The following PIGW variants were observed in gnomAD, a reference collection of about 807,000 sequenced individuals.
The protein encoded by PIGW is phosphatidylinositol glycan anchor biosynthesis class W.
A neutral mutation model predicts 34.0 loss-of-function variants in PIGW; 23 were observed. The ratio of observed to expected loss-of-function variants is 0.68; its 90% confidence interval spans 0.49 to 0.96. The LOEUF (loss-of-function observed/expected upper bound fraction) is 0.96. PIGW is among the 40% of genes least tolerant of loss of function. PIGW has a pLI of 0.00. For synonymous variants in PIGW, 225 were observed against 225.2 expected (o/e 1.00, Z 0.01); for missense variants, 574 against 586.3 (o/e 0.98, Z 0.22).
At position 36,537,220 on chromosome 17, in the gene PIGW, T is replaced by A; in HGVS notation, c.119T>A (p.Ile40Asn). Residue 40 changes from isoleucine (I) to asparagine (N), a missense_variant, in exon 2 of 2, where the codon ATC becomes AAC. Coordinates refer to ENST00000614443, the MANE Select transcript of PIGW (RefSeq NM_001346754.2). ...AFCILCRGFL[I>N]IFSQYLCSFS... ...TGTATCCTGTGCAGAGGGTTCCTGA[T>A]CATTTTCTCACAGTACTTGTGTTCT... is the stretch of plus-strand genomic sequence containing the variant. 6.2e-7 allele frequency: 1 copy of A among 1,614,190 alleles called. No individual in the cohort carries two copies. Among genetic ancestry groups the A allele is most frequent in the Non-Finnish European group, 8.5e-7 (1 of 1,180,034 alleles).
chr17:36,536,979 A>G, intron 1 of PIGW, 115 bp from the exon 2 acceptor site: 3 of 833,776 alleles, frequency 3.6e-6, no homozygotes, highest in Non-Finnish European at 3.7e-6. Context: ...TGAACTCATT[A>G]GGGCCCAAAG....
chr17:36,535,586 A>T lies in PIGW; in HGVS notation c.-15A>T, dbSNP rs1426041018. ...ACCGTCTGCTGGGGGCGCCGGCACCATTTGGAGTACGTGAGGTATACGGGT... is the reference window on the plus strand; with the variant it reads ...ACCGTCTGCTGGGGGCGCCGGCACCTTTTGGAGTACGTGAGGTATACGGGT... On this transcript the variant is annotated 5_prime_UTR_variant, in exon 1 of 2. Coordinates refer to ENST00000614443, the MANE Select transcript of PIGW (RefSeq NM_001346754.2). The T allele has an allele frequency of 1.3e-5, 2 of 152,228 alleles. No homozygotes were observed. Among genetic ancestry groups the T allele is most frequent in the African/African-American group, 4.8e-5 (2 of 41,462 alleles). The allele number at this position is 152,228 out of a possible 1,614,324, so 9.4% of individuals were successfully genotyped here.
In PIGW at chr17:36,539,182, T is replaced by TG. The variant is rs1269590885; in HGVS notation, c.*572dup. On this transcript the variant is annotated 3_prime_UTR_variant, in exon 2 of 2. Coordinates refer to ENST00000614443, the MANE Select transcript of PIGW (RefSeq NM_001346754.2). ...TTGTGACATTGAAAGACTGTTGGGGTGGGGGGAGGAAAATTTTTACTTTCC... is the reference window on the plus strand; with the variant it reads ...TTGTGACATTGAAAGACTGTTGGGGTGGGGGGGAGGAAAATTTTTACTTTCC... The TG allele has an allele frequency of 2.4e-5, 4 of 166,902 alleles. No homozygotes were observed. Among genetic ancestry groups the TG allele is most frequent in the Non-Finnish European group, 5.9e-5 (4 of 68,090 alleles). The allele number at this position is 166,902 out of a possible 1,614,324, so 10.3% of individuals were successfully genotyped here.
chr17:36,538,605 C>G lies in PIGW; in HGVS notation c.1504C>G (p.Gln502Glu), dbSNP rs372135184. The G allele has an allele frequency of 7.5e-6, 12 of 1,593,336 alleles. No homozygotes were observed. The highest frequency in any genetic ancestry group is 9.4e-6 in the Non-Finnish European group (11 of 1,167,984). The change falls in exon 2 of 2, where the codon CAA becomes GAA. Residue 502 changes from glutamine (Q) to glutamate (E), a missense_variant. By Grantham distance (29) the Gln-to-Glu change is conservative. Coordinates refer to ENST00000614443, the MANE Select transcript of PIGW (RefSeq NM_001346754.2). ...YVLYLQDKTV[Q>E]FW is the part of the protein sequence containing the mutation. ...ACTATATTTGCAAGATAAGACTGTACAATTTTGGTGATCAGCAGGAGTAGG... is the reference window on the plus strand; with the variant it reads ...ACTATATTTGCAAGATAAGACTGTAGAATTTTGGTGATCAGCAGGAGTAGG...
Position 36,538,707 on chromosome 17 carries a change from C to T in PIGW, c.*91C>T, listed in dbSNP as rs2074177762. The T allele has an allele frequency of 2.8e-6, 3 of 1,059,900 alleles. No homozygotes were observed. The East Asian group carries it at 7.5e-5, about 26-fold the overall frequency. The allele number at this position is 1,059,900 out of a possible 1,614,324, so 65.7% of individuals were successfully genotyped here. On this transcript the variant is annotated 3_prime_UTR_variant, in exon 2 of 2. Transcript: ENST00000614443. ...TTGTGCTTTTGGCAACAGTGTTAACCATATTTTATTATAAAATAGTTTCAG... is the reference window on the plus strand; with the variant it reads ...TTGTGCTTTTGGCAACAGTGTTAACTATATTTTATTATAAAATAGTTTCAG...
chr17:36,536,869 T>C (rs1177930199), intron 1 of PIGW, among the ~76,000 whole-genome samples: 2 of 152,210 alleles, frequency 1.3e-5, no homozygotes, highest in African/African-American at 4.8e-5. Context: ...TGAAGCTTTG[T>C]AACCAATAAT....
At position 36,538,741 on chromosome 17, in the gene PIGW, A is replaced by T; in HGVS notation, c.*125A>T. The T allele has an allele frequency of 1.2e-6, 1 of 825,794 alleles. No individual in the cohort carries two copies. Among genetic ancestry groups the T allele is most frequent in the Admixed American group, 3.2e-5 (1 of 31,682 alleles). The allele number at this position is 825,794 out of a possible 1,614,324, so 51.2% of individuals were successfully genotyped here. A position where few individuals can be genotyped will look rare whatever the true frequency, so the allele number is the denominator to read the frequency against. ...TTATAAAATAGTTTCAGTCATCTAA[A>T]CAGCAGTGATGCTTAATTATTTTTT... is the stretch of plus-strand genomic sequence containing the variant. On this transcript the variant is annotated 3_prime_UTR_variant, in exon 2 of 2. Coordinates refer to ENST00000614443, the MANE Select transcript of PIGW (RefSeq NM_001346754.2).
chr17:36,538,500 G>C lies in PIGW; in HGVS notation c.1399G>C (p.Asp467His), dbSNP rs201266151. 6.2e-7 allele frequency: 1 copy of C among 1,614,066 alleles called. No homozygotes were observed. Residue 467 changes from aspartate (D) to histidine (H), a missense_variant, in exon 2 of 2, where the codon GAT becomes CAT. Physicochemically the swap from Asp to His is moderately conservative, Grantham distance 81. Transcript: ENST00000614443. ...ITTGLINLMV[D>H]TLHSSTLWAL... The stretch of plus-strand genomic sequence containing the variant: ...AACTGGCCTGATCAACCTGATGGTA[G>C]ATACATTACACAGCAGTACCTTGTG...
chr17:36,535,366 C>CA lies in PIGW; in HGVS notation c.-232dup, dbSNP rs1239524040. On this transcript the variant is annotated 5_prime_UTR_variant, in exon 1 of 2. The change creates a premature stop within an existing upstream ORF in the 5' untranslated region. Transcript: ENST00000614443. ...CTAGAAGATCTGGCCTGCACCAGCC[C>CA]AAAGGACATGACAGGAGTGGGTAGC... 1.3e-5 allele frequency: 2 copies of CA among 152,338 alleles called. No individual in the cohort carries two copies. Among genetic ancestry groups the CA allele is most frequent in the Non-Finnish European group, 2.9e-5 (2 of 68,118 alleles). 9.4% of individuals were successfully genotyped at this position (152,338 alleles called of 1,614,324 possible).
chr17:36,536,077 G>A (rs539311813), intron 1 of PIGW, among the ~76,000 whole-genome samples: 1 of 152,146 alleles, frequency 6.6e-6, no homozygotes, highest in South Asian at 2.1e-4. Context: ...TGTTCTTCCA[G>A]TATGCCGTTT....
Position 36,538,069 on chromosome 17 carries a change from G to A in PIGW, c.968G>A (p.Gly323Glu). 1 of 1,614,052 alleles carries A rather than the reference G, an allele frequency of 6.2e-7. No homozygotes were observed. The highest frequency in any genetic ancestry group is 1.3e-5 in the African/African-American group (1 of 74,990). Residue 323 changes from glycine (G) to glutamate (E), a missense_variant, in exon 2 of 2, where the codon GGG (glycine) becomes GAG (glutamate). Coordinates refer to ENST00000614443, the MANE Select transcript of PIGW (RefSeq NM_001346754.2). The stretch of plus-strand genomic sequence containing the variant: ...ATACACATGGCTGGTGTGCAAACAG[G>A]GTTATATATGCATAAGAACCGATCA... ...VAIHMAGVQTGLYMHKNRSHI... is the reference protein window; with the variant it reads ...VAIHMAGVQTELYMHKNRSHI...
intron 1 of PIGW, among the ~76,000 whole-genome samples, chr17:36,536,524 C>CTTTTTTTTT (rs10715370): frequency 8.0e-6 from 1 of 125,532 alleles, no homozygotes; most frequent in Non-Finnish European, 1.6e-5. Context: ...TTTTCTTTTC[C>CTTTTTTTTT]TTTTTTTTTT....
At position 36,538,790 on chromosome 17, in the gene PIGW, G is replaced by C. The variant is rs1373840785; in HGVS notation, c.*174G>C. 3.3e-6 allele frequency: 2 copies of C among 612,402 alleles called. No homozygotes were observed. The highest frequency in any genetic ancestry group is 6.1e-5 in the East Asian group (2 of 33,034). The allele number at this position is 612,402 out of a possible 1,614,324, so 37.9% of individuals were successfully genotyped here. On this transcript the variant is annotated 3_prime_UTR_variant, in exon 2 of 2. Transcript: ENST00000614443. The stretch of plus-strand genomic sequence containing the variant: ...TTTTTTTGAGACAGAGTCTTGCTCT[G>C]TTACCCAGGCTGGAGTGTAGTGGTG...
rs144931880 is a variant in PIGW, at chr17:36,538,954, A to G, written c.*338A>G. ...TTTTTAGTAGAGATGGGGTTTTGCC[A>G]TATTGGCCAGGCTGGTCTCAAACTC... On this transcript the variant is annotated 3_prime_UTR_variant, in exon 2 of 2. Coordinates refer to ENST00000614443, the MANE Select transcript of PIGW (RefSeq NM_001346754.2). 247 of 190,660 alleles carry G rather than the reference A, an allele frequency of 1.3e-3. 2 individuals are homozygous for G. The highest frequency in any genetic ancestry group is 5.5e-3 in the African/African-American group (231 of 42,134). The allele number at this position is 190,660 out of a possible 1,614,324, so 11.8% of individuals were successfully genotyped here. A position where few individuals can be genotyped will look rare whatever the true frequency, so the allele number is the denominator to read the frequency against.
chr17:36,538,367 G>A lies in PIGW; in HGVS notation c.1266G>A (p.Lys422=), dbSNP rs1389949991. Residue 422 remains lysine, a synonymous_variant, in exon 2 of 2, where the codon AAG becomes AAA. Coordinates refer to ENST00000614443, the MANE Select transcript of PIGW (RefSeq NM_001346754.2). Reference sequence around the variant, plus strand: ...TCCAGTCACCTGTTACAAATAAAAAGCATTCAGAATCTCTAGTCCCTGAAG... The same window carrying A: ...TCCAGTCACCTGTTACAAATAAAAAACATTCAGAATCTCTAGTCCCTGAAG... The part of the protein sequence containing the change: ...KLIQSPVTNK[K]HSESLVPEAE... 1.2e-6 allele frequency: 2 copies of A among 1,614,094 alleles called. No individual in the cohort carries two copies. The highest frequency in any genetic ancestry group is 1.7e-5 in the Admixed American group (1 of 60,028).
chr17:36,538,629 G>C lies in PIGW; in HGVS notation c.*13G>C, dbSNP rs751510787. On this transcript the variant is annotated 3_prime_UTR_variant, in exon 2 of 2. Transcript: ENST00000614443. The stretch of plus-strand genomic sequence containing the variant: ...ACAATTTTGGTGATCAGCAGGAGTA[G>C]GATATATAAGTATTTGGGCAATATT... 6.5e-7 allele frequency: 1 copy of C among 1,531,448 alleles called. No homozygotes were observed. The highest frequency in any genetic ancestry group is 2.0e-5 in the Admixed American group (1 of 49,910). 94.9% of individuals were successfully genotyped at this position (1,531,448 alleles called of 1,614,324 possible).
intron 1 of PIGW, among the ~76,000 whole-genome samples, chr17:36,536,636 T>C (rs746163944): frequency 3.4e-5 from 5 of 145,954 alleles, no homozygotes; most frequent in Non-Finnish European, 6.0e-5. Context: ...TGCCTCAGCC[T>C]CTAAAGTAGC....
rs753061168 is a variant in PIGW at position 36,537,084 on chromosome 17, G to A, written c.-8-10G>A. ...TTCACAAATCCATTCCTTTGCTCTTGTTTTCACAGGAAGAAAAATGTCTGA... is the reference window on the plus strand; with the variant it reads ...TTCACAAATCCATTCCTTTGCTCTTATTTTCACAGGAAGAAAAATGTCTGA... On this transcript the variant is annotated splice_polypyrimidine_tract_variant and intron_variant, in intron 1 of 1. Transcript: ENST00000614443. The A allele has an allele frequency of 3.8e-6, 6 of 1,567,304 alleles. No individual in the cohort carries two copies. The highest frequency in any genetic ancestry group is 1.4e-5 in the African/African-American group (1 of 72,880).
Position 36,537,816 on chromosome 17 carries a change from T to C in PIGW, c.715T>C (p.Phe239Leu). 6.2e-7 allele frequency: 1 copy of C among 1,614,196 alleles called. No individual in the cohort carries two copies. ...AGAGTATGGAGTTCACTGGAACTTT[T>C]TCTTTACCATAATAGTTGTGAAATT... Reference protein sequence around the residue: ...LTEYGVHWNFFFTIIVVKLIT... With the variant: ...LTEYGVHWNFLFTIIVVKLIT... The change falls in exon 2 of 2, where the codon TTC (phenylalanine) becomes CTC (leucine). Residue 239 changes from phenylalanine to leucine, a missense_variant. Phe to Leu is a conservative substitution (Grantham distance 22, BLOSUM62 0). Transcript: ENST00000614443.
Sources: gnomAD v4.1 joint callset for allele counts (sites outside exome capture counted in the v4.1 genomes callset) on GRCh38, gnomAD v4.1.1 for gene constraint, MANE v1.5 for transcripts, NCBI Gene and HGNC (gene_info 2026-07-23, HGNC 2026-07-21) for gene names.